UBTD2: variants seen among roughly 807,000 people sequenced by gnomAD.
The protein encoded by UBTD2 is ubiquitin domain-containing protein 2.
Under a neutral mutation model 19.8 loss-of-function variants are expected in UBTD2, and 9 were observed. That is an observed-to-expected ratio of 0.46 (90% CI 0.27 to 0.79). The LOEUF is 0.79. Among genes scored for constraint, UBTD2 ranks in the 30% least tolerant of loss-of-function variants. The pLI, the probability that UBTD2 is intolerant of heterozygous loss-of-function variation, is 0.14. For synonymous variants in UBTD2, 98 were observed against 103.9 expected (o/e 0.94, Z 0.35); for missense variants, 250 against 300.4 (o/e 0.83, Z 1.24).
intron 2 of UBTD2, among the ~76,000 whole-genome samples, chr5:172,226,279 T>G (rs574528636): frequency 1.3e-5 from 2 of 149,786 alleles, no homozygotes; most frequent in Admixed American, 6.8e-5. Context: ...TCAAGCCTGA[T>G]AGAGGGACAT....
chr5:172,276,984 G>C (rs1192937777), intron 1 of UBTD2, among the ~76,000 whole-genome samples: 1 of 136,340 alleles, frequency 7.3e-6, no homozygotes, highest in East Asian at 2.3e-4. Flanking sequence ...CAGGAGAATT[G>C]CTTCAACCTG....
chr5:172,262,854 T>C (rs1755300400), intron 1 of UBTD2, among the ~76,000 whole-genome samples: 2 of 152,194 alleles, frequency 1.3e-5, no homozygotes. Context: ...TTTTCACGTC[T>C]ATAAATTGTA....
intron 1 of UBTD2, among the ~76,000 whole-genome samples, chr5:172,239,714 C>T (rs1350189092): frequency 1.3e-5 from 2 of 152,084 alleles, no homozygotes; most frequent in African/African-American, 4.8e-5. Flanking sequence ...AGCCACCGTG[C>T]CCAGCCTGGT....
chr5:172,212,191 C>T lies in UBTD2; in HGVS notation c.344G>A (p.Arg115Lys). Residue 115 changes from arginine to lysine, a missense_variant, in exon 3 of 3, where the codon AGA becomes AAA. Coordinates refer to ENST00000393792, the MANE Select transcript of UBTD2 (RefSeq NM_152277.3). ...CAAGCAATACACTGGAAGCTGATAT[C>T]TGTTCCCCAGTTCATCGTAGCACTC... Reference protein sequence around the residue: ...LTECYDELGNRYQLPVYCLAP... With the variant: ...LTECYDELGNKYQLPVYCLAP... The T allele has an allele frequency of 1.2e-6, 2 of 1,612,756 alleles. No homozygotes were observed. The highest frequency in any genetic ancestry group is 2.2e-5 in the South Asian group (2 of 91,048).
chr5:172,259,414 T>C (rs1000876336), intron 1 of UBTD2, among the ~76,000 whole-genome samples: 1 of 152,130 alleles, frequency 6.6e-6, no homozygotes, highest in Non-Finnish European at 1.5e-5. Flanking sequence ...GTGCTGGGAT[T>C]ACAGGAGTGA....
chr5:172,224,728 G>A (rs571881878), intron 2 of UBTD2, among the ~76,000 whole-genome samples: 1 of 152,252 alleles, frequency 6.6e-6, no homozygotes, highest in South Asian at 2.1e-4. Flanking sequence ...GGCCCCCTCA[G>A]CCCTGTGGAA....
chr5:172,211,147 G>A lies in UBTD2; in HGVS notation c.*683C>T, dbSNP rs1007922629. On this transcript the variant is annotated 3_prime_UTR_variant, in exon 3 of 3. Transcript: ENST00000393792. ...AATTATTGCCTAGTGTTCCAGAAGG[G>A]TGCCTGCCACTAATGTGCTGGAAGG... 6.6e-6 allele frequency: 1 copy of A among 152,092 alleles called. No individual in the cohort carries two copies. Among genetic ancestry groups the A allele is most frequent in the Non-Finnish European group, 1.5e-5 (1 of 68,026 alleles). The allele number at this position is 152,092 out of a possible 1,614,324, so 9.4% of individuals were successfully genotyped here.
At chr5:172,228,259 C>T (rs1467020567) in intron 2 of UBTD2, among the ~76,000 whole-genome samples, 1 of 152,122 alleles carries the variant, frequency 6.6e-6, no homozygotes, top group African/African-American at 2.4e-5. Flanking sequence ...TTGTCCAGGG[C>T]ATTGAGTTGC....
At chr5:172,217,067 T>C (rs1353145734) in intron 2 of UBTD2, among the ~76,000 whole-genome samples, 3 of 152,006 alleles carry the variant, frequency 2.0e-5, no homozygotes, top group South Asian at 2.1e-4. Flanking sequence ...ATCTAAAGCA[T>C]AGAAAAAACC....
chr5:172,264,145 T>C (rs139302022), intron 1 of UBTD2, among the ~76,000 whole-genome samples: 1 of 152,190 alleles, frequency 6.6e-6, no homozygotes, highest in East Asian at 1.9e-4. Context: ...GTGGCTCAAT[T>C]ACAGCTCACT....
chr5:172,265,047 T>C (rs1371678915), intron 1 of UBTD2, among the ~76,000 whole-genome samples: 1 of 152,252 alleles, frequency 6.6e-6, no homozygotes, highest in African/African-American at 2.4e-5. Context: ...CTAAGTCCAC[T>C]GGGCTGAATA....
chr5:172,269,426 G>A (rs891436507), intron 1 of UBTD2, among the ~76,000 whole-genome samples: 1 of 150,914 alleles, frequency 6.6e-6, no homozygotes, highest in South Asian at 2.1e-4. Flanking sequence ...GGGAGGCGGA[G>A]GTTGCAGTGA....
intron 2 of UBTD2, among the ~76,000 whole-genome samples, chr5:172,222,033 A>AATCC (rs1375128615): frequency 2.0e-5 from 3 of 152,126 alleles, no homozygotes; most frequent in African/African-American, 7.2e-5. Flanking sequence ...ATAAGGGAAA[A>AATCC]ATCCATATCA....
At chr5:172,274,135 C>CTT (rs555392614) in intron 1 of UBTD2, among the ~76,000 whole-genome samples, 144 of 108,602 alleles carry the variant, frequency 1.3e-3, no homozygotes, top group Non-Finnish European at 2.1e-3. Flanking sequence ...TTTTGCTTTA[C>CTT]TTTTTTTTTT....
intron 1 of UBTD2, among the ~76,000 whole-genome samples, chr5:172,278,049 G>A (rs1057213968): frequency 2.6e-4 from 39 of 152,114 alleles, no homozygotes; most frequent in African/African-American, 8.2e-4. Flanking sequence ...GGTGAAAAGA[G>A]AGAAACTGGA....
intron 2 of UBTD2, among the ~76,000 whole-genome samples, chr5:172,227,622 A>T (rs1241842656): frequency 6.7e-6 from 1 of 150,254 alleles, no homozygotes; most frequent in African/African-American, 2.5e-5. Context: ...TGACCTCATG[A>T]TCTGCCTGCC....
chr5:172,215,673 AT>A (rs1413298754), intron 2 of UBTD2, among the ~76,000 whole-genome samples: 1 of 152,172 alleles, frequency 6.6e-6, no homozygotes, highest in Non-Finnish European at 1.5e-5. Flanking sequence ...TAATATGCTA[AT>A]GGCTCTAATG....
At chr5:172,219,659 TAAAG>T (rs1219555809) in intron 2 of UBTD2, among the ~76,000 whole-genome samples, 1 of 151,984 alleles carries the variant, frequency 6.6e-6, no homozygotes, top group Non-Finnish European at 1.5e-5. Context: ...CTCAAATAAA[TAAAG>T]AAAAACATCT....
At chr5:172,282,613 C>CATT (rs1172655121) in intron 1 of UBTD2, among the ~76,000 whole-genome samples, 1 of 152,188 alleles carries the variant, frequency 6.6e-6, no homozygotes, top group African/African-American at 2.4e-5. Flanking sequence ...AGGCAGCTAA[C>CATT]ATTAGGTCAC....
Sources: gnomAD v4.1 joint callset for allele counts (sites outside exome capture counted in the v4.1 genomes callset) on GRCh38, gnomAD v4.1.1 for gene constraint, MANE v1.5 for transcripts, NCBI Gene and HGNC (gene_info 2026-07-23, HGNC 2026-07-21) for gene names.